Variants in ARMC2 observed in about 807,000 individuals in gnomAD.
The protein encoded by ARMC2 is armadillo repeat-containing protein 2.
A neutral mutation model predicts 90.3 loss-of-function variants in ARMC2; 67 were observed. The observed-to-expected ratio is 0.74, with a 90% CI of 0.61 to 0.91. The LOEUF is 0.91. Among genes scored for constraint, ARMC2 ranks in the 40% least tolerant of loss-of-function variants. The probability of loss-of-function intolerance (pLI) is 0.00; values close to 1 mark genes in which losing one functional copy is unlikely to be tolerated. For missense variants in ARMC2, 920 were observed against 1,030.9 expected, an observed-to-expected ratio of 0.89 and a Z score of 1.47; for synonymous variants, 393 against 393.0, an observed-to-expected ratio of 1.00 and a Z score of 0.00.
chr6:108,849,131 A>G (rs974176374), intron 1 of ARMC2, among the ~76,000 whole-genome samples: 1 of 152,200 alleles, frequency 6.6e-6, no homozygotes. Flanking sequence ...ACGTATGTGT[A>G]ACAATATTTA....
At chr6:108,855,820 A>T (rs1350200543) in intron 2 of ARMC2, among the ~76,000 whole-genome samples, 2 of 152,136 alleles carry the variant, frequency 1.3e-5, no homozygotes, top group Non-Finnish European at 2.9e-5. Flanking sequence ...GATGTGGAGC[A>T]TCTTTTTATA....
chr6:108,991,786 T>C, the ARMC2 span, among the ~76,000 whole-genome samples: 1 of 152,196 alleles, frequency 6.6e-6, no homozygotes, highest in South Asian at 2.1e-4. Context: ...CATAATCTAA[T>C]GTAAACTACT....
intron 5 of ARMC2, among the ~76,000 whole-genome samples, chr6:108,877,808 C>T (rs1463263980): frequency 6.6e-6 from 1 of 152,238 alleles, no homozygotes; most frequent in Non-Finnish European, 1.5e-5. Flanking sequence ...CATTCTGGGA[C>T]AGCAGGGGCA....
chr6:109,044,391 C>CTTTCCACCA, the ARMC2 span, among the ~76,000 whole-genome samples: 1 of 137,864 alleles, frequency 7.3e-6, no homozygotes, highest in Non-Finnish European at 1.5e-5. Context: ...AAAGGATAGT[C>CTTTCCACCA]TTTCCACCAA....
At position 108,881,617 on chromosome 6, in the gene ARMC2, C is replaced by T. The variant is rs1050769080; in HGVS notation, c.671+5267C>T. Among the ~76,000 whole-genome samples the T allele has an allele frequency of 3.9e-5, 6 of 152,208 alleles. No individual in the cohort carries two copies. In the South Asian group the frequency reaches 1.2e-3, roughly 32 times the overall value. On this transcript the variant is annotated intron_variant, in intron 5 of 17. Coordinates refer to ENST00000392644, the MANE Select transcript of ARMC2 (RefSeq NM_032131.6). ...GGGAGTATGCCCTGTGTAAGGACTC[C>T]ATTCAAGATCCAGATCAAGAAGTGA... is the stretch of plus-strand genomic sequence containing the variant.
chr6:108,868,225 G>GT (rs1284051581), intron 3 of ARMC2, among the ~76,000 whole-genome samples: 2 of 141,706 alleles, frequency 1.4e-5, no homozygotes, highest in South Asian at 2.5e-4. Context: ...TTATTTGGGG[G>GT]TGGGGGGGCG....
chr6:108,888,363 C>T (rs1468398893), intron 5 of ARMC2, among the ~76,000 whole-genome samples: 3 of 152,322 alleles, frequency 2.0e-5, no homozygotes, highest in Middle Eastern at 3.4e-3. Context: ...ATTTACCACA[C>T]CTTTCTACAG....
At chr6:108,992,060 A>T in the ARMC2 span, among the ~76,000 whole-genome samples, 1 of 152,108 alleles carries the variant, frequency 6.6e-6, no homozygotes, top group East Asian at 1.9e-4. Context: ...TTGCATAATT[A>T]TTCTATAACT....
At chr6:108,853,209 C>T (rs1338658202) in intron 1 of ARMC2, among the ~76,000 whole-genome samples, 1 of 151,990 alleles carries the variant, frequency 6.6e-6, no homozygotes, top group Non-Finnish European at 1.5e-5. Context: ...ATCAGAAACT[C>T]TTGGGGTGGG....
chr6:109,051,951 C>T, the ARMC2 span, among the ~76,000 whole-genome samples: 4 of 152,074 alleles, frequency 2.6e-5, no homozygotes, highest in Non-Finnish European at 5.9e-5. Context: ...TTTTAAAGAC[C>T]CCACCTCTTA....
intron 11 of ARMC2, among the ~76,000 whole-genome samples, chr6:108,936,449 T>C (rs1775968724): frequency 6.6e-6 from 1 of 152,114 alleles, no homozygotes; most frequent in South Asian, 2.1e-4. Flanking sequence ...AGAGATGGGG[T>C]TTCACTATGT....
chr6:108,873,863 C>G (rs1255248031), intron 4 of ARMC2, among the ~76,000 whole-genome samples: 1 of 152,212 alleles, frequency 6.6e-6, no homozygotes, highest in Non-Finnish European at 1.5e-5. Context: ...TGGGGTCACA[C>G]TGGGCTTCAT....
At chr6:108,984,927 C>G in the ARMC2 span, among the ~76,000 whole-genome samples, 1 of 152,110 alleles carries the variant, frequency 6.6e-6, no homozygotes, top group Non-Finnish European at 1.5e-5. Context: ...AGAGTTCTCA[C>G]AAAGATATTC....
At chr6:108,988,237 G>A in the ARMC2 span, 1 of 213,132 alleles carries the variant, frequency 4.7e-6, no homozygotes, top group East Asian at 1.0e-4. Flanking sequence ...TTTCTATAAA[G>A]ATGTTTCAAA....
At chr6:108,944,089 C>A (rs1449559804) in intron 12 of ARMC2, among the ~76,000 whole-genome samples, 1 of 152,080 alleles carries the variant, frequency 6.6e-6, no homozygotes, top group Non-Finnish European at 1.5e-5. Flanking sequence ...ACCATTTTCT[C>A]CAGTATTGAC....
At chr6:108,919,396 G>A (rs1774316538) in intron 10 of ARMC2, among the ~76,000 whole-genome samples, 2 of 152,276 alleles carry the variant, frequency 1.3e-5, no homozygotes, top group African/African-American at 2.4e-5. Flanking sequence ...TGTGCAATCA[G>A]AACCAAGGTA....
chr6:108,864,114 T>C (rs1255615592), intron 3 of ARMC2, among the ~76,000 whole-genome samples: 1 of 152,150 alleles, frequency 6.6e-6, no homozygotes, highest in Admixed American at 6.5e-5. Context: ...AAGCAAACAG[T>C]GACATTACAA....
At chr6:109,045,504 T>TGA in the ARMC2 span, among the ~76,000 whole-genome samples, 1 of 152,254 alleles carries the variant, frequency 6.6e-6, no homozygotes, top group African/African-American at 2.4e-5. Flanking sequence ...CCAATGATAC[T>TGA]GAGTTCAACT....
intron 12 of ARMC2, among the ~76,000 whole-genome samples, chr6:108,943,377 T>G (rs1159704647): frequency 6.6e-6 from 1 of 152,190 alleles, no homozygotes; most frequent in Non-Finnish European, 1.5e-5. Flanking sequence ...AGGATTTATA[T>G]TTACAAGAAT....
Sources: gnomAD v4.1 joint callset for allele counts (sites outside exome capture counted in the v4.1 genomes callset) on GRCh38, gnomAD v4.1.1 for gene constraint, MANE v1.5 for transcripts, NCBI Gene and HGNC (gene_info 2026-07-23, HGNC 2026-07-21) for gene names.